Variants in HMGA1 observed in about 807,000 individuals in gnomAD.
HMGA1 encodes the protein high mobility group protein HMG-I/HMG-Y.
Under a neutral mutation model 15.1 loss-of-function variants are expected in HMGA1, and 1 was observed. That is an observed-to-expected ratio of 0.07 (90% confidence interval 0.02 to 0.31). HMGA1 has a LOEUF of 0.31. Among genes scored for constraint, HMGA1 ranks in the 10% least tolerant of loss-of-function variants. HMGA1 has a pLI of 1.00. For missense variants in HMGA1, 94 were observed against 141.4 expected, an observed-to-expected ratio of 0.66 and a Z score of 1.70; for synonymous variants, 56 against 54.8, an observed-to-expected ratio of 1.02 and a Z score of -0.10.
chr6:34,240,642 A>G (rs554504042), intron 2 of HMGA1, 95 bp from the exon 3 acceptor site: 2 of 1,007,624 alleles, frequency 2.0e-6, no homozygotes, highest in Non-Finnish European at 3.0e-6. Flanking sequence ...ATGGGAGCAC[A>G]GTTTTCTGCA....
At chr6:34,239,383 A>G (rs1460456842) in intron 2 of HMGA1, among the ~76,000 whole-genome samples, 3 of 151,996 alleles carry the variant, frequency 2.0e-5, no homozygotes, top group Admixed American at 2.0e-4. Context: ...TGCTGGGATT[A>G]CAGGCATGAG....
In HMGA1 at chr6:34,240,681, G is replaced by A. The variant is rs1457143822; in HGVS notation, c.-44-56G>A. ...TGCCTTGAAGGTGTGGGTGATGAGG[G>A]GGTAGAAAGTGGCTGAAGCGAGATG... On this transcript the variant is annotated intron_variant, in intron 2 of 5. Transcript: ENST00000311487. 5 of 1,361,564 alleles carry A rather than the reference G, an allele frequency of 3.7e-6. No homozygotes were observed. The African/African-American group carries it at 5.8e-5, about 16-fold the overall frequency. The allele number at this position is 1,361,564 out of a possible 1,614,324, so 84.3% of individuals were successfully genotyped here.
At chr6:34,240,636 G>A in intron 2 of HMGA1, 101 bp from the exon 3 acceptor site, 1 of 960,276 alleles carries the variant, frequency 1.0e-6, no homozygotes, top group Non-Finnish European at 1.6e-6. Flanking sequence ...GGGCCCATGG[G>A]AGCACAGTTT....
At chr6:34,240,425 T>C (rs1402347430) in intron 2 of HMGA1, among the ~76,000 whole-genome samples, 1 of 152,110 alleles carries the variant, frequency 6.6e-6, no homozygotes, top group African/African-American at 2.4e-5. Flanking sequence ...GCCTCACCCA[T>C]GTAGCTAGGT....
At chr6:34,243,847 T>C (rs1007396019) in intron 5 of HMGA1, among the ~76,000 whole-genome samples, 1 of 151,838 alleles carries the variant, frequency 6.6e-6, no homozygotes, top group Non-Finnish European at 1.5e-5. Flanking sequence ...CCCCCTCAAT[T>C]AGAGATGAGG....
chr6:34,245,973 A>C lies in HMGA1; in HGVS notation c.*1089A>C. On this transcript the variant is annotated 3_prime_UTR_variant, in exon 6 of 6. Coordinates refer to ENST00000311487, the MANE Select transcript of HMGA1 (RefSeq NM_145899.3). ...TCTGCCCACGATCCCCTCCCCCAAGATACTCTTTGTGGGGAAGAGGGGCTG... is the reference window on the plus strand; with the variant it reads ...TCTGCCCACGATCCCCTCCCCCAAGCTACTCTTTGTGGGGAAGAGGGGCTG... The C allele has an allele frequency of 3.6e-6, 1 of 276,320 alleles. No individual in the cohort carries two copies. Among genetic ancestry groups the C allele is most frequent in the Non-Finnish European group, 6.9e-6 (1 of 144,322 alleles). The allele number at this position is 276,320 out of a possible 1,614,324, so 17.1% of individuals were successfully genotyped here.
At chr6:34,238,334 G>T (rs1467169273) in intron 2 of HMGA1, among the ~76,000 whole-genome samples, 2 of 152,220 alleles carry the variant, frequency 1.3e-5, no homozygotes, top group Non-Finnish European at 2.9e-5. Context: ...TCACCCTCGG[G>T]CCGGGTCTGG....
rs1206009074 is a variant in HMGA1, at chr6:34,240,894, G to T, written c.114G>T (p.Gly38=). 6.2e-7 allele frequency: 1 copy of T among 1,613,728 alleles called. No individual in the cohort carries two copies. The highest frequency in any genetic ancestry group is 1.1e-5 in the South Asian group (1 of 91,068). ...RPRKQPPVSP[G]TALVGSQKEP... ...GCAAGCAGCCTCCGGTGAGTCCCGG[G>T]ACAGCGCTGGTAGGGAGTCAGGTGG... Residue 38 remains glycine, a synonymous_variant, in exon 3 of 6, where the codon GGG becomes GGT. Transcript: ENST00000311487.
At chr6:34,237,896 G>A (rs1761939205) in intron 2 of HMGA1, among the ~76,000 whole-genome samples, 1 of 152,052 alleles carries the variant, frequency 6.6e-6, no homozygotes, top group Admixed American at 6.5e-5. Flanking sequence ...CGCGGGCCTG[G>A]GTTTGGGGCT....
chr6:34,243,548 T>G (rs776704776), intron 5 of HMGA1, 30 bp downstream of exon 5: 40 of 1,512,622 alleles, frequency 2.6e-5, no homozygotes, highest in Admixed American at 3.8e-5. Context: ...GCTGCTTGCC[T>G]CCTGGGCTCT....
chr6:34,238,425 C>T (rs1424092294), intron 2 of HMGA1, among the ~76,000 whole-genome samples: 1 of 152,234 alleles, frequency 6.6e-6, no homozygotes, highest in Non-Finnish European at 1.5e-5. Context: ...CGGGAACCTA[C>T]TTCTTCCTGC....
intron 2 of HMGA1, among the ~76,000 whole-genome samples, chr6:34,237,688 GGAGCCC>G (rs202228093): frequency 4.5e-4 from 66 of 147,396 alleles, no homozygotes; most frequent in East Asian, 2.6e-3. Flanking sequence ...CGCTGGAGCC[GGAGCCC>G]GAGCCCGAGC....
intron 5 of HMGA1, among the ~76,000 whole-genome samples, chr6:34,243,936 G>A (rs1043202659): frequency 6.6e-6 from 1 of 152,112 alleles, no homozygotes; most frequent in African/African-American, 2.4e-5. Context: ...TGGGCCCTGG[G>A]AGGGGTCGGT....
At chr6:34,242,991 G>T (rs993765250) in intron 4 of HMGA1, among the ~76,000 whole-genome samples, 196 bp downstream of exon 4, 3 of 152,102 alleles carry the variant, frequency 2.0e-5, no homozygotes, top group African/African-American at 2.4e-5. Flanking sequence ...TCTTACTTCT[G>T]GGGGGTTGGT....
At chr6:34,243,425 A>G (rs944318927) in intron 4 of HMGA1, 43 bp from the exon 5 acceptor site, 2 of 1,509,910 alleles carry the variant, frequency 1.3e-6, no homozygotes, top group Non-Finnish European at 1.8e-6. Context: ...GTGAGCACTG[A>G]TGAGCATTTT....
At chr6:34,238,327 C>T (rs189857074) in intron 2 of HMGA1, among the ~76,000 whole-genome samples, 4 of 152,206 alleles carry the variant, frequency 2.6e-5, no homozygotes, top group South Asian at 2.1e-4. Flanking sequence ...TGCAGAGTCA[C>T]CCTCGGGCCG....
At chr6:34,237,788 G>A (rs1761924866) in intron 2 of HMGA1, among the ~76,000 whole-genome samples, 1 of 151,694 alleles carries the variant, frequency 6.6e-6, no homozygotes, top group Non-Finnish European at 1.5e-5. Context: ...GCAGCTCAGG[G>A]AAGTTCTGGA....
chr6:34,244,649 C>T (rs1383962100), intron 5 of HMGA1, among the ~76,000 whole-genome samples, 182 bp from the exon 6 acceptor site: 1 of 152,084 alleles, frequency 6.6e-6, no homozygotes, highest in Non-Finnish European at 1.5e-5. Flanking sequence ...TTTTTTCCTC[C>T]TTTTAAATTC....
intron 2 of HMGA1, among the ~76,000 whole-genome samples, chr6:34,237,926 G>A (rs940905589): frequency 1.3e-5 from 2 of 152,066 alleles, no homozygotes; most frequent in Non-Finnish European, 1.5e-5. Flanking sequence ...CCCCACCTCT[G>A]GCCTGGCCCG....
Sources: allele counts gnomAD v4.1 joint callset (sites outside exome capture counted in the v4.1 genomes callset), GRCh38; gene constraint gnomAD v4.1.1; transcripts MANE v1.5; gene names NCBI Gene and HGNC (gene_info 2026-07-23, HGNC 2026-07-21).